The following NEMF variants were observed in gnomAD, a reference collection of about 807,000 sequenced individuals.
NEMF encodes the protein ribosome quality control complex subunit NEMF.
In NEMF, 89 loss-of-function variants were observed where a neutral mutation model predicts 162.2. That is an observed-to-expected ratio of 0.55 (90% CI 0.46 to 0.65). The LOEUF (loss-of-function observed/expected upper bound fraction) is 0.65. Ranked by LOEUF, NEMF falls within the 30% of genes least tolerant of loss-of-function variation. NEMF has a pLI of 0.00. For synonymous variants in NEMF, 421 were observed against 404.5 expected, an observed-to-expected ratio of 1.04 and a Z score of -0.49; for missense variants, 1,133 against 1,261.9, an observed-to-expected ratio of 0.90 and a Z score of 1.55.
intron 3 of NEMF, among the ~76,000 whole-genome samples, chr14:49,847,038 A>C (rs1893537214): frequency 6.6e-6 from 1 of 151,740 alleles, no homozygotes; most frequent in Non-Finnish European, 1.5e-5. Context: ...GGCGTGTGCC[A>C]CCACACCCGG....
In NEMF at chr14:49,829,435, G is replaced by A; in HGVS notation, c.946-9C>T. 1.2e-6 allele frequency: 2 copies of A among 1,609,750 alleles called. No homozygotes were observed. The highest frequency in any genetic ancestry group is 1.7e-4 in the Middle Eastern group (1 of 6,012). On this transcript the variant is annotated splice_polypyrimidine_tract_variant and intron_variant, in intron 11 of 32. Transcript: ENST00000298310. ...TTCAATGCTTGCTTTTCCTTTTATT[G>A]GCAAAACAGATTTTTTAAAAATTAG...
chr14:49,795,932 CTTT>C lies in NEMF; in HGVS notation c.2475_2477del (p.Lys828del), dbSNP rs1890673907. On this transcript the variant is annotated inframe_deletion, in exon 26 of 33. Transcript: ENST00000298310. ...CTCCTGAGTCACTTGGAAGTTTTTT[CTTT>C]TTCATTTCCCTGAATAAAAAAGACA... 6.3e-7 allele frequency: 1 copy of C among 1,591,728 alleles called. No homozygotes were observed.
chr14:49,832,338 T>C, intron 8 of NEMF, 61 bp from the exon 9 acceptor site: 2 of 1,237,084 alleles, frequency 1.6e-6, no homozygotes, highest in Non-Finnish European at 2.3e-6. Context: ...TACTTCTTTT[T>C]TTTTTTTTTG....
chr14:49,820,957 C>T (rs1217463160), intron 16 of NEMF, among the ~76,000 whole-genome samples: 4 of 149,266 alleles, frequency 2.7e-5, no homozygotes, highest in African/African-American at 9.8e-5. Context: ...TCTTCCCGGC[C>T]GCCATCCCAT....
At position 49,829,082 on chromosome 14, in the gene NEMF, G is replaced by A; in HGVS notation, c.1204C>T (p.Gln402Ter). 6.2e-7 allele frequency: 1 copy of A among 1,614,130 alleles called. No individual in the cohort carries two copies. Among genetic ancestry groups the A allele is most frequent in the Non-Finnish European group, 8.5e-7 (1 of 1,179,986 alleles). The stretch of plus-strand genomic sequence containing the variant: ...AGCAGCATTGTAACATGGTTTGTTT[G>A]TAGTTTTAATTCTTTGATTGCACTT... Reference protein sequence around the residue: ...VASAIKELKLQTNHVTMLLRN... With the variant: ...VASAIKELKL The change falls in exon 13 of 33, where the codon CAA (glutamine) becomes TAA (stop). Residue 402 changes from glutamine (Q) to a stop codon, truncating the protein, a stop_gained. Transcript: ENST00000298310. LOFTEE classifies it high-confidence loss of function.
chr14:49,833,160 G>A (rs986361348), intron 8 of NEMF, among the ~76,000 whole-genome samples: 3 of 152,188 alleles, frequency 2.0e-5, no homozygotes, highest in South Asian at 2.1e-4. Flanking sequence ...CAGCTACTCG[G>A]GAGGCTGAGA....
intron 20 of NEMF, 123 bp from the exon 21 acceptor site, chr14:49,802,850 T>G: frequency 1.4e-6 from 1 of 697,676 alleles, no homozygotes. Context: ...TTTTACTATG[T>G]CAAGAATAAC....
intron 4 of NEMF, chr14:49,844,693 GTATT>G (rs142441169): frequency 0.022 from 3,864 of 172,562 alleles, 173 homozygotes; most frequent in African/African-American, 0.085. Context: ...TTAAATTTAT[GTATT>G]TATTTATTTA....
intron 15 of NEMF, among the ~76,000 whole-genome samples, chr14:49,827,184 ATTTAT>A (rs1048451043): frequency 1.3e-5 from 2 of 152,258 alleles, no homozygotes; most frequent in African/African-American, 4.8e-5. Context: ...CTTTTGATTT[ATTTAT>A]TTTAATATAT....
rs568168014 is a variant in NEMF at position 49,803,230 on chromosome 14, A to G, written c.1915+7T>C. 3.7e-6 allele frequency: 6 copies of G among 1,600,748 alleles called. No homozygotes were observed. The African/African-American group carries it at 8.0e-5, about 21-fold the overall frequency. Reference sequence around the variant, plus strand: ...GTCTAGTGATATTTTTCCTGTCAAGACATTACCTCTTATCATGAAGCTTCC... The same window carrying G: ...GTCTAGTGATATTTTTCCTGTCAAGGCATTACCTCTTATCATGAAGCTTCC... On this transcript the variant is annotated splice_region_variant and intron_variant, in intron 20 of 32. Transcript: ENST00000298310.
intron 6 of NEMF, among the ~76,000 whole-genome samples, chr14:49,837,043 G>A (rs1227377185): frequency 1.3e-5 from 2 of 152,228 alleles, no homozygotes; most frequent in Non-Finnish European, 2.9e-5. Flanking sequence ...GGGAGGCCAA[G>A]GCAGGTGGAT....
chr14:49,842,092 C>T (rs1480938519), intron 4 of NEMF, among the ~76,000 whole-genome samples: 2 of 148,942 alleles, frequency 1.3e-5, no homozygotes, highest in Non-Finnish European at 3.0e-5. Flanking sequence ...GCAACAAGAG[C>T]GAAACTCCGT....
At chr14:49,787,899 C>A (rs535908199) in intron 28 of NEMF, among the ~76,000 whole-genome samples, 1 of 152,154 alleles carries the variant, frequency 6.6e-6, no homozygotes, top group East Asian at 1.9e-4. Context: ...AAACTGAGCA[C>A]ACAATTATAA....
At chr14:49,792,141 T>TAA (rs760568756) in intron 26 of NEMF, among the ~76,000 whole-genome samples, 1 of 138,150 alleles carries the variant, frequency 7.2e-6, no homozygotes. Context: ...AGACCCAGTC[T>TAA]AAAAAAAAAA....
chr14:49,840,584 A>G (rs1439578190), intron 5 of NEMF, 134 bp downstream of exon 5: 5 of 727,484 alleles, frequency 6.9e-6, no homozygotes, highest in Non-Finnish European at 1.1e-5. Flanking sequence ...GTAAAACAAA[A>G]TATTTTATCT....
At chr14:49,822,347 AG>A (rs1160781982) in intron 16 of NEMF, among the ~76,000 whole-genome samples, 80 of 151,168 alleles carry the variant, frequency 5.3e-4, no homozygotes, top group African/African-American at 1.8e-3. Context: ...AAAAAAAAAA[AG>A]AGGAAAAAAA....
intron 5 of NEMF, among the ~76,000 whole-genome samples, chr14:49,839,111 T>C (rs575299074): frequency 3.6e-4 from 54 of 151,760 alleles, no homozygotes; most frequent in African/African-American, 1.2e-3. Context: ...AGAGTTTTGC[T>C]CTGTTGCCAA....
Position 49,828,540 on chromosome 14 carries a change from A to G in NEMF, c.1424+76T>C, listed in dbSNP as rs540379824. The G allele has an allele frequency of 7.3e-5, 94 of 1,293,180 alleles. No individual in the cohort carries two copies. In the African/African-American group the frequency reaches 1.3e-3, roughly 18 times the overall value. The allele number at this position is 1,293,180 out of a possible 1,614,324, so 80.1% of individuals were successfully genotyped here. ...TATGCATGTACAAGTGAAATTTAAAATTTTTTAAAATGTCCTTAATTCCTT... is the reference window on the plus strand; with the variant it reads ...TATGCATGTACAAGTGAAATTTAAAGTTTTTTAAAATGTCCTTAATTCCTT... On this transcript the variant is annotated intron_variant, in intron 14 of 32. Coordinates refer to ENST00000298310, the MANE Select transcript of NEMF (RefSeq NM_004713.6).
At chr14:49,790,351 G>A (rs545921715) in intron 26 of NEMF, among the ~76,000 whole-genome samples, 1 of 152,222 alleles carries the variant, frequency 6.6e-6, no homozygotes, top group African/African-American at 2.4e-5. Flanking sequence ...CAACTAGAAA[G>A]ACAGGACAAA....
Sources: allele counts gnomAD v4.1 joint callset (sites outside exome capture counted in the v4.1 genomes callset), GRCh38; gene constraint gnomAD v4.1.1; transcripts MANE v1.5; gene names NCBI Gene and HGNC (gene_info 2026-07-23, HGNC 2026-07-21).